The following METTL6 variants were observed in gnomAD, a reference collection of about 807,000 sequenced individuals.
METTL6 encodes methyltransferase 6, tRNA N3-cytidine.
In METTL6, 22 loss-of-function variants were observed where a neutral mutation model predicts 26.4. That is an observed-to-expected ratio of 0.83 (90% CI 0.59 to 1.19). The LOEUF is 1.19. Ranked by LOEUF, METTL6 falls within the 50% of genes most tolerant of loss-of-function variation. The pLI is 0.00. For missense variants in METTL6, 304 were observed against 324.8 expected, an observed-to-expected ratio of 0.94 and a Z score of 0.49; for synonymous variants, 109 against 116.2, an observed-to-expected ratio of 0.94 and a Z score of 0.40.
At chr3:15,406,007 A>G (rs371877867), downstream of METTL6, among the ~76,000 whole-genome samples, 698 of 151,994 alleles carry the variant, frequency 4.6e-3, 5 homozygotes, top group Middle Eastern at 0.034. Flanking sequence ...GTGTGTGTGT[A>G]TGTGTATATA....
At position 15,410,383 on chromosome 3, in the gene METTL6, C is replaced by T. The variant is rs1249778915; in HGVS notation, c.*873G>A. On this transcript the variant is annotated 3_prime_UTR_variant, in exon 6 of 6. Coordinates refer to ENST00000383790, the MANE Select transcript of METTL6 (RefSeq NM_152396.4). ...TGTCGCCCAGGCTGGAGTGCAGTAGCGTGATCTCGACTTACTGCAACCTCC... is the reference window on the plus strand; with the variant it reads ...TGTCGCCCAGGCTGGAGTGCAGTAGTGTGATCTCGACTTACTGCAACCTCC... Among the ~76,000 whole-genome samples, 3 of 152,052 alleles carry T rather than the reference C, an allele frequency of 2.0e-5. No homozygotes were observed. The highest frequency in any genetic ancestry group is 6.6e-5 in the Admixed American group (1 of 15,246).
downstream of METTL6, among the ~76,000 whole-genome samples, chr3:15,406,835 G>A (rs1699815363): frequency 6.6e-6 from 1 of 151,620 alleles, no homozygotes; most frequent in Non-Finnish European, 1.5e-5. Context: ...TTGCCATGTT[G>A]GCCAAGCTAG....
chr3:15,421,488 G>A (rs1390747686), intron 3 of METTL6, among the ~76,000 whole-genome samples: 1 of 152,024 alleles, frequency 6.6e-6, no homozygotes, highest in African/African-American at 2.4e-5. Context: ...TTTGAGATAG[G>A]GTCCTGCTTT....
chr3:15,414,201 C>A, intron 4 of METTL6, 39 bp from the exon 5 acceptor site: 4 of 1,579,088 alleles, frequency 2.5e-6, no homozygotes, highest in Non-Finnish European at 3.4e-6. Context: ...CTTTGGAGAA[C>A]CCTGTCAAAA....
chr3:15,409,251 TA>T (rs1253289538), downstream of METTL6, among the ~76,000 whole-genome samples: 1 of 152,112 alleles, frequency 6.6e-6, no homozygotes, highest in Non-Finnish European at 1.5e-5. Flanking sequence ...CCTCCAGATG[TA>T]GTTGGAGTTG....
At chr3:15,400,739 A>T (rs2124929682) in intron 6 of METTL6, among the ~76,000 whole-genome samples, 1 of 152,370 alleles carries the variant, frequency 6.6e-6, no homozygotes, top group Middle Eastern at 3.4e-3. Flanking sequence ...AGTATAAAGA[A>T]GAAAAGCAAC....
intron 6 of METTL6, among the ~76,000 whole-genome samples, chr3:15,392,708 T>C (rs1699382585): frequency 6.6e-6 from 1 of 152,224 alleles, no homozygotes; most frequent in African/African-American, 2.4e-5. Flanking sequence ...TTCAGCTTTC[T>C]ACATATGGCT....
intron 6 of METTL6, among the ~76,000 whole-genome samples, chr3:15,399,952 A>G (rs559438532): frequency 5.3e-5 from 8 of 152,298 alleles, no homozygotes; most frequent in Non-Finnish European, 8.8e-5. Flanking sequence ...GAAATTTATG[A>G]AAGAATTTTG....
chr3:15,383,142 G>C (rs961305718), exon 7 of METTL6: 6 of 152,188 alleles, frequency 3.9e-5, no homozygotes, highest in Non-Finnish European at 8.8e-5. Flanking sequence ...CTGGTATAAT[G>C]AGTATTTTGA....
At chr3:15,388,186 C>A (rs1352853279) in intron 6 of METTL6, among the ~76,000 whole-genome samples, 1 of 152,180 alleles carries the variant, frequency 6.6e-6, no homozygotes, top group East Asian at 1.9e-4. Flanking sequence ...TCTCCACTCA[C>A]TGCAACCTCC....
chr3:15,406,617 TATATATATATATAGAGAGAG>T (rs1202669087), downstream of METTL6, among the ~76,000 whole-genome samples: 63 of 47,028 alleles, frequency 1.3e-3, no homozygotes, highest in East Asian at 8.3e-3. Context: ...TATATATATA[TATATATATATATAGAGAGAG>T]AGAGAGAGAG....
intron 6 of METTL6, among the ~76,000 whole-genome samples, chr3:15,391,357 C>CG (rs963994271): frequency 4.6e-5 from 7 of 152,028 alleles, no homozygotes; most frequent in African/African-American, 1.4e-4. Context: ...TCAATGGCAG[C>CG]GGGGGAGATG....
chr3:15,426,909 GAACT>G (rs2061738217), intron 1 of METTL6, among the ~76,000 whole-genome samples: 1 of 152,218 alleles, frequency 6.6e-6, no homozygotes, highest in Non-Finnish European at 1.5e-5. Flanking sequence ...ACGCTCTCAA[GAACT>G]GACTGGGAAA....
chr3:15,427,601 T>G (rs980295541), upstream of METTL6: 1 of 611,278 alleles, frequency 1.6e-6, no homozygotes, highest in African/African-American at 1.9e-5. Context: ...CAGATTCCTC[T>G]CTCACCCCCA....
chr3:15,421,196 T>A (rs187622078), intron 3 of METTL6, among the ~76,000 whole-genome samples: 1 of 152,356 alleles, frequency 6.6e-6, no homozygotes, highest in Non-Finnish European at 1.5e-5. Flanking sequence ...GGACAGAGTT[T>A]ATTATTTTGC....
In METTL6 at chr3:15,424,989, C is replaced by T. The variant is rs1575441112; in HGVS notation, c.326G>A (p.Cys109Tyr). The T allele has an allele frequency of 6.2e-7, 1 of 1,614,142 alleles. No individual in the cohort carries two copies. Among genetic ancestry groups the T allele is most frequent in the Non-Finnish European group, 8.5e-7 (1 of 1,180,018 alleles). Residue 109 changes from cysteine to tyrosine, a missense_variant, in exon 3 of 6, where the codon TGT becomes TAT. Coordinates refer to ENST00000383790, the MANE Select transcript of METTL6 (RefSeq NM_152396.4). Reference protein sequence around the residue: ...EEDPNIFAYACDFSPRAIEYV... With the variant: ...EEDPNIFAYAYDFSPRAIEYV... ...TTCAATGGCTCTTGGAGAAAAATCA[C>T]AGGCATAGGCAAAGATATTCGGATC... is the stretch of plus-strand genomic sequence containing the variant.
intron 3 of METTL6, among the ~76,000 whole-genome samples, chr3:15,423,485 C>T (rs2061651447): frequency 6.6e-6 from 1 of 152,348 alleles, no homozygotes; most frequent in South Asian, 2.1e-4. Context: ...TGTAATCCCA[C>T]ACTCTGGGAG....
chr3:15,401,042 C>T (rs1699625321), intron 6 of METTL6, among the ~76,000 whole-genome samples: 1 of 151,056 alleles, frequency 6.6e-6, no homozygotes, highest in Non-Finnish European at 1.5e-5. Context: ...TTTGTATTTT[C>T]TTCTTTTTTT....
At chr3:15,387,690 T>C (rs940142749) in intron 6 of METTL6, among the ~76,000 whole-genome samples, 2 of 152,158 alleles carry the variant, frequency 1.3e-5, no homozygotes, top group African/African-American at 4.8e-5. Flanking sequence ...ATAGCCTTAT[T>C]TGAGAGGGGA....
Sources: allele counts gnomAD v4.1 joint callset (sites outside exome capture counted in the v4.1 genomes callset), GRCh38; gene constraint gnomAD v4.1.1; transcripts MANE v1.5; gene names NCBI Gene and HGNC (gene_info 2026-07-23, HGNC 2026-07-21).